BBS9: variants seen among roughly 807,000 people sequenced by gnomAD.
BBS9 encodes Bardet-Biedl syndrome 9.
A neutral mutation model predicts 117.7 loss-of-function variants in BBS9; 89 were observed. That is an observed-to-expected ratio of 0.76 (90% CI 0.64 to 0.90). The LOEUF is 0.90. Among genes scored for constraint, BBS9 ranks in the 40% least tolerant of loss-of-function variants. The probability of loss-of-function intolerance (pLI) is 0.00; values close to 1 mark genes in which losing one functional copy is unlikely to be tolerated. For missense variants in BBS9, 982 were observed against 1,042.2 expected (o/e 0.94, Z 0.80); for synonymous variants, 379 against 370.9 (o/e 1.02, Z -0.25).
chr7:33,492,412 C>T (rs560107974), intron 19 of BBS9, among the ~76,000 whole-genome samples: 1 of 152,042 alleles, frequency 6.6e-6, no homozygotes, highest in East Asian at 1.9e-4. Flanking sequence ...TTAAAGACGT[C>T]GAGGACCTCC....
At chr7:33,169,030 A>G (rs527665170) in intron 4 of BBS9, among the ~76,000 whole-genome samples, 3,048 of 150,674 alleles carry the variant, frequency 0.02, 31 homozygotes, top group Non-Finnish European at 0.031. Context: ...CTCATTGTTC[A>G]ATTCCCACCT....
chr7:33,560,372 C>T (rs1855910567), intron 21 of BBS9, among the ~76,000 whole-genome samples: 1 of 152,182 alleles, frequency 6.6e-6, no homozygotes, highest in Non-Finnish European at 1.5e-5. Flanking sequence ...AACTGCTTCC[C>T]TTTCTAAATG....
intron 20 of BBS9, among the ~76,000 whole-genome samples, chr7:33,515,100 T>G (rs907899194): frequency 2.0e-5 from 3 of 152,182 alleles, no homozygotes; most frequent in Non-Finnish European, 4.4e-5. Context: ...GTTATGGCAT[T>G]GCTTTGTGGA....
At chr7:33,446,877 G>T (rs1837077972) in intron 19 of BBS9, among the ~76,000 whole-genome samples, 1 of 152,184 alleles carries the variant, frequency 6.6e-6, no homozygotes, top group South Asian at 2.1e-4. Context: ...TCTGGACAAA[G>T]CCTGAATATG....
chr7:33,471,023 T>C (rs1401837063), intron 19 of BBS9, among the ~76,000 whole-genome samples: 1 of 152,226 alleles, frequency 6.6e-6, no homozygotes, highest in Non-Finnish European at 1.5e-5. Flanking sequence ...CATTAACCAG[T>C]CTTCAATGTG....
intron 21 of BBS9, among the ~76,000 whole-genome samples, chr7:33,612,800 C>T (rs555707341): frequency 6.6e-6 from 1 of 151,982 alleles, no homozygotes; most frequent in Non-Finnish European, 1.5e-5. Flanking sequence ...GACAGCCACT[C>T]AAAGTCCACT....
At chr7:33,389,019 C>T (rs796927176) in intron 19 of BBS9, among the ~76,000 whole-genome samples, 15 of 152,262 alleles carry the variant, frequency 9.9e-5, no homozygotes, top group African/African-American at 3.6e-4. Flanking sequence ...GATCTCATGT[C>T]TCCTTTAACT....
Position 33,492,819 on chromosome 7 carries a change from T to A in BBS9, c.2116-12644T>A, listed in dbSNP as rs893122675. Among the ~76,000 whole-genome samples the A allele has an allele frequency of 2.4e-4, 24 of 99,730 alleles. No individual in the cohort carries two copies. The South Asian group carries it at 4.7e-3, about 20-fold the overall frequency. The allele number at this position is 99,730 out of a possible 152,430, so 65.4% of individuals were successfully genotyped here. A position where few individuals can be genotyped will look rare whatever the true frequency, so the allele number is the denominator to read the frequency against. On this transcript the variant is annotated intron_variant, in intron 19 of 22. Transcript: ENST00000242067. ...CATCTAGTATAGGAGTGAGTGTGTG[T>A]GTGTGTGTGTGTGTGTGTGTGTGTG... is the stretch of plus-strand genomic sequence containing the variant.
chr7:33,346,346 G>C, intron 12 of BBS9: 1 of 441,118 alleles, frequency 2.3e-6, no homozygotes, highest in Non-Finnish European at 4.7e-6. Context: ...TGCATGATGC[G>C]TGACCATCTA....
At chr7:33,624,395 G>A (rs1865545340) in intron 21 of BBS9, among the ~76,000 whole-genome samples, 1 of 152,102 alleles carries the variant, frequency 6.6e-6, no homozygotes, top group South Asian at 2.1e-4. Context: ...TTGCTAGTGG[G>A]CAGAAAATTT....
chr7:33,562,294 GTAA>G (rs1554537319), intron 21 of BBS9, among the ~76,000 whole-genome samples: 8 of 152,136 alleles, frequency 5.3e-5, no homozygotes, highest in Non-Finnish European at 1.0e-4. Flanking sequence ...AACATATATG[GTAA>G]TAATCACTTT....
intron 13 of BBS9, among the ~76,000 whole-genome samples, chr7:33,350,335 T>C (rs1191352235): frequency 1.3e-5 from 2 of 148,278 alleles, no homozygotes; most frequent in Admixed American, 1.4e-4. Flanking sequence ...TGAAGTAACC[T>C]CATAGGTGAT....
chr7:33,309,007 G>T (rs1808618672), intron 9 of BBS9, among the ~76,000 whole-genome samples: 1 of 152,154 alleles, frequency 6.6e-6, no homozygotes, highest in Admixed American at 6.6e-5. Flanking sequence ...AGTGAGCTTG[G>T]TTCATTTATT....
At chr7:33,153,199 A>T (rs985798715) in intron 3 of BBS9, among the ~76,000 whole-genome samples, 1 of 152,204 alleles carries the variant, frequency 6.6e-6, no homozygotes, top group Non-Finnish European at 1.5e-5. Context: ...GAAGTAGCAG[A>T]TAACCATTAC....
chr7:33,515,941 AACTTT>A (rs1408387083), intron 20 of BBS9, among the ~76,000 whole-genome samples: 1 of 152,226 alleles, frequency 6.6e-6, no homozygotes, highest in Non-Finnish European at 1.5e-5. Flanking sequence ...TGCACACAGT[AACTTT>A]TTTGCTCAAT....
intron 21 of BBS9, among the ~76,000 whole-genome samples, chr7:33,588,349 A>T (rs962881450): frequency 6.6e-6 from 1 of 152,054 alleles, no homozygotes; most frequent in African/African-American, 2.4e-5. Flanking sequence ...CTGCTTTCCA[A>T]CCTCCCAGCG....
At chr7:33,511,538 A>T (rs1846967521) in intron 20 of BBS9, among the ~76,000 whole-genome samples, 1 of 152,156 alleles carries the variant, frequency 6.6e-6, no homozygotes, top group African/African-American at 2.4e-5. Context: ...ACTAGATATT[A>T]TCTATAATTT....
chr7:33,430,848 T>C lies in BBS9; in HGVS notation c.2115+42704T>C, dbSNP rs113041122. Among the ~76,000 whole-genome samples the C allele has an allele frequency of 2.0e-3, 310 of 152,248 alleles. 6 individuals are homozygous for C. In the South Asian group the frequency reaches 0.039, roughly 19 times the overall value. ...TGGGATTTGCAGTCTTCAATGAATA[T>C]GAAAAGAGTTGGCCGTAGGTGTTTG... On this transcript the variant is annotated intron_variant, in intron 19 of 22. Transcript: ENST00000242067.
chr7:33,365,567 A>C (rs538501636), intron 16 of BBS9, among the ~76,000 whole-genome samples: 3 of 152,314 alleles, frequency 2.0e-5, no homozygotes, highest in Admixed American at 2.0e-4. Context: ...CCACCAGGGA[A>C]ATCATGGCCA....
Sources: allele counts gnomAD v4.1 joint callset (sites outside exome capture counted in the v4.1 genomes callset), GRCh38; gene constraint gnomAD v4.1.1; transcripts MANE v1.5; gene names NCBI Gene and HGNC (gene_info 2026-07-23, HGNC 2026-07-21).